Variants in STEAP1B observed in about 807,000 individuals in gnomAD.
STEAP1B encodes STEAP family protein MGC87042.
STEAP1B carries 13 observed loss-of-function variants against 27.9 expected under a neutral mutation model. The observed-to-expected ratio is 0.47, with a 90% CI of 0.30 to 0.74. The LOEUF is 0.74. Ranked by LOEUF, STEAP1B falls within the 30% of genes least tolerant of loss-of-function variation. The probability of loss-of-function intolerance (pLI) is 0.06; values close to 1 mark genes in which losing one functional copy is unlikely to be tolerated. For synonymous variants in STEAP1B, 86 were observed against 107.1 expected (o/e 0.80, Z 1.22); for missense variants, 250 against 298.7 (o/e 0.84, Z 1.20).
At chr7:22,436,302 A>C (rs1785253394) in intron 4 of STEAP1B, among the ~76,000 whole-genome samples, 1 of 152,202 alleles carries the variant, frequency 6.6e-6, no homozygotes, top group African/African-American at 2.4e-5. Flanking sequence ...TACATCCATG[A>C]AACCATCACC....
intron 4 of STEAP1B, among the ~76,000 whole-genome samples, chr7:22,432,388 T>C (rs1785199285): frequency 6.7e-6 from 1 of 148,490 alleles, no homozygotes; most frequent in Non-Finnish European, 1.5e-5. Flanking sequence ...AATAAATAAA[T>C]AAATAAATAA....
intron 4 of STEAP1B, chr7:22,438,739 C>T (rs1243555048): frequency 1.9e-6 from 3 of 1,551,486 alleles, no homozygotes; most frequent in East Asian, 2.4e-5. Context: ...AGCTACCAGG[C>T]TTCCAGTCAG....
intron 4 of STEAP1B, among the ~76,000 whole-genome samples, chr7:22,487,012 T>C (rs144800807): frequency 6.6e-6 from 1 of 152,328 alleles, no homozygotes; most frequent in East Asian, 1.9e-4. Flanking sequence ...TCCTAACAAG[T>C]ATTGCTTTGT....
At chr7:22,431,345 A>G (rs1035365886) in intron 4 of STEAP1B, among the ~76,000 whole-genome samples, 2 of 151,860 alleles carry the variant, frequency 1.3e-5, no homozygotes, top group African/African-American at 2.4e-5. Context: ...AGGAAGTGGG[A>G]AAAAAAAATC....
intron 4 of STEAP1B, among the ~76,000 whole-genome samples, chr7:22,423,508 C>A (rs1237500558): frequency 6.6e-6 from 1 of 151,990 alleles, no homozygotes; most frequent in African/African-American, 2.4e-5. Flanking sequence ...AGGACTCAGT[C>A]AAAAAAGACC....
intron 4 of STEAP1B, among the ~76,000 whole-genome samples, chr7:22,456,967 TA>T (rs1257891918): frequency 0.02 from 980 of 49,490 alleles, 89 homozygotes; most frequent in African/African-American, 0.053. Flanking sequence ...TATATATATA[TA>T]TATATTTTTT....
chr7:22,474,921 G>A (rs1242716546), intron 4 of STEAP1B, among the ~76,000 whole-genome samples: 1 of 152,172 alleles, frequency 6.6e-6, no homozygotes, highest in African/African-American at 2.4e-5. Flanking sequence ...CATCATTATA[G>A]ATCTGAATTC....
intron 4 of STEAP1B, among the ~76,000 whole-genome samples, chr7:22,433,108 AT>A (rs1253536093): frequency 6.6e-6 from 1 of 151,782 alleles, no homozygotes; most frequent in Non-Finnish European, 1.5e-5. Context: ...GAATCCCAGA[AT>A]CTAACAGAAC....
At chr7:22,459,765 A>G (rs1032753714) in intron 4 of STEAP1B, among the ~76,000 whole-genome samples, 1 of 151,846 alleles carries the variant, frequency 6.6e-6, no homozygotes, top group African/African-American at 2.4e-5. Context: ...CTCCATCCTT[A>G]CCCCCGTTAT....
intron 4 of STEAP1B, among the ~76,000 whole-genome samples, chr7:22,433,472 C>T (rs987096805): frequency 1.8e-5 from 2 of 112,168 alleles, no homozygotes; most frequent in African/African-American, 3.5e-5. Context: ...CCCTTCCACC[C>T]CCTCCACATA....
chr7:22,445,586 C>T (rs1785397554), intron 4 of STEAP1B, among the ~76,000 whole-genome samples: 1 of 152,268 alleles, frequency 6.6e-6, no homozygotes, highest in Non-Finnish European at 1.5e-5. Flanking sequence ...CTTCAGGGTA[C>T]ATCCGAGCCT....
At chr7:22,448,966 A>C (rs1168168520) in intron 4 of STEAP1B, among the ~76,000 whole-genome samples, 1 of 152,200 alleles carries the variant, frequency 6.6e-6, no homozygotes, top group Non-Finnish European at 1.5e-5. Context: ...AAGGTAAGAG[A>C]CAAGTACCAT....
chr7:22,443,068 T>C (rs753517045), intron 4 of STEAP1B, among the ~76,000 whole-genome samples: 1 of 152,156 alleles, frequency 6.6e-6, no homozygotes, highest in Non-Finnish European at 1.5e-5. Flanking sequence ...TGCCTGTCTT[T>C]CCCATGTTTG....
chr7:22,480,895 C>T (rs761020473), intron 4 of STEAP1B, among the ~76,000 whole-genome samples: 2 of 152,230 alleles, frequency 1.3e-5, no homozygotes, highest in Non-Finnish European at 2.9e-5. Context: ...GCAGGTCCAG[C>T]TCTCTGTCCA....
At chr7:22,467,302 G>C (rs749219295) in intron 4 of STEAP1B, among the ~76,000 whole-genome samples, 1 of 152,182 alleles carries the variant, frequency 6.6e-6, no homozygotes, top group South Asian at 2.1e-4. Flanking sequence ...CTGCTTAAAA[G>C]CCTGCCAGCT....
In STEAP1B at chr7:22,494,642, T is replaced by C. The variant is rs547699423; in HGVS notation, c.84+130A>G. 4.9e-6 allele frequency: 3 copies of C among 606,478 alleles called. No homozygotes were observed. In the African/African-American group the frequency reaches 5.7e-5, roughly 12 times the overall value. The allele number at this position is 606,478 out of a possible 1,614,324, so 37.6% of individuals were successfully genotyped here. On this transcript the variant is annotated intron_variant, in intron 2 of 4. Transcript: ENST00000678116. The stretch of plus-strand genomic sequence containing the variant: ...CTGTCCTTCACAGTATCAGTGACAG[T>C]AATCCAAGTCCAGATATCAGCAGAC...
In STEAP1B at chr7:22,496,776, C is replaced by T. The variant is rs566170776; in HGVS notation, c.-31-1890G>A. Among the ~76,000 whole-genome samples, 520 of 152,208 alleles carry T rather than the reference C, an allele frequency of 3.4e-3. 6 individuals carry two copies. The South Asian group carries it at 0.038, about 11-fold the overall frequency. ...TGATGTTTCCTCAACAATGAAATCCCGCCTTACAATGAATTTCTCAGAATG... is the reference window on the plus strand; with the variant it reads ...TGATGTTTCCTCAACAATGAAATCCTGCCTTACAATGAATTTCTCAGAATG... On this transcript the variant is annotated intron_variant, in intron 1 of 4. Transcript: ENST00000678116.
At chr7:22,431,859 G>A (rs1249958601) in intron 4 of STEAP1B, among the ~76,000 whole-genome samples, 1 of 152,158 alleles carries the variant, frequency 6.6e-6, no homozygotes, top group African/African-American at 2.4e-5. Flanking sequence ...CCAGGCTCTG[G>A]TAACATTATT....
intron 4 of STEAP1B, among the ~76,000 whole-genome samples, chr7:22,464,948 C>CATATATATATATATATATATATAT (rs75308240): frequency 0.14 from 6,188 of 44,548 alleles, 1,735 homozygotes; most frequent in Non-Finnish European, 0.24. Context: ...TACCAAACCC[C>CATATATATATATATATATATATAT]ATATATATAT....
Sources: gnomAD v4.1 joint callset for allele counts (sites outside exome capture counted in the v4.1 genomes callset) on GRCh38, gnomAD v4.1.1 for gene constraint, MANE v1.5 for transcripts, NCBI Gene and HGNC (gene_info 2026-07-23, HGNC 2026-07-21) for gene names.